DLG2: variants seen among roughly 807,000 people sequenced by gnomAD.
DLG2 encodes disks large homolog 2.
In DLG2, 45 loss-of-function variants were observed where a neutral mutation model predicts 132.5. The observed-to-expected ratio is 0.34, with a 90% CI of 0.27 to 0.44. The LOEUF (loss-of-function observed/expected upper bound fraction) is 0.44, where lower values mean the gene tolerates loss of function less well. Among genes scored for constraint, DLG2 ranks in the 20% least tolerant of loss-of-function variants. The pLI, the probability that DLG2 is intolerant of heterozygous loss-of-function variation, is 1.00. For missense variants in DLG2, 1,045 were observed against 1,196.9 expected (o/e 0.87, Z 1.87); for synonymous variants, 424 against 419.6 (o/e 1.01, Z -0.13).
In DLG2 at chr11:85,522,875, G is replaced by C. The variant is rs567820976; in HGVS notation, c.40+75782C>G. Among the ~76,000 whole-genome samples, 3 of 152,258 alleles carry C rather than the reference G, an allele frequency of 2.0e-5. No individual in the cohort carries two copies. The South Asian group carries it at 6.2e-4, about 32-fold the overall frequency. The stretch of plus-strand genomic sequence containing the variant: ...ACAGGCTCACAGGCATAAGGGACTT[G>C]CCTTATCTCAGATGAAACTTTGAAC... On this transcript the variant is annotated intron_variant, in intron 3 of 27. Coordinates refer to ENST00000376104, the MANE Select transcript of DLG2 (RefSeq NM_001142699.3).
At chr11:84,611,757 A>G (rs1375682062) in intron 6 of DLG2, among the ~76,000 whole-genome samples, 1 of 152,140 alleles carries the variant, frequency 6.6e-6, no homozygotes, top group African/African-American at 2.4e-5. Context: ...CCATTAGTAG[A>G]CTCCAAAGAG....
At chr11:84,417,902 C>G (rs2098935338) in intron 7 of DLG2, among the ~76,000 whole-genome samples, 1 of 152,156 alleles carries the variant, frequency 6.6e-6, no homozygotes, top group Admixed American at 6.6e-5. Context: ...GAATGGACTT[C>G]CTATCTCCCT....
At chr11:83,671,171 C>A (rs924389512) in intron 18 of DLG2, among the ~76,000 whole-genome samples, 3 of 152,126 alleles carry the variant, frequency 2.0e-5, no homozygotes, top group African/African-American at 7.2e-5. Flanking sequence ...AAGAACATGG[C>A]CCTGCAACGT....
chr11:84,728,001 G>A (rs964815205), intron 6 of DLG2, among the ~76,000 whole-genome samples: 4 of 152,260 alleles, frequency 2.6e-5, no homozygotes, highest in South Asian at 4.1e-4. Context: ...GGACTGAGAC[G>A]ATGGGGTTTT....
intron 10 of DLG2, among the ~76,000 whole-genome samples, chr11:84,087,756 CT>C (rs1313068149): frequency 6.6e-6 from 1 of 152,054 alleles, no homozygotes; most frequent in East Asian, 1.9e-4. Context: ...TTCAGATGGC[CT>C]TTTGAAGTTG....
intron 16 of DLG2, among the ~76,000 whole-genome samples, chr11:83,868,096 A>G (rs2062737715): frequency 1.3e-5 from 2 of 152,188 alleles, no homozygotes; most frequent in Non-Finnish European, 2.9e-5. Flanking sequence ...CTGGGGGGAC[A>G]GCGATGGTCA....
At chr11:83,930,597 G>T in intron 14 of DLG2, 114 bp from the exon 15 acceptor site, 1 of 1,115,990 alleles carries the variant, frequency 9.0e-7, no homozygotes, top group South Asian at 1.8e-5. Context: ...ATTTTATCTT[G>T]ATTTGTTACT....
At chr11:83,708,820 T>C (rs1207989740) in intron 18 of DLG2, among the ~76,000 whole-genome samples, 1 of 152,162 alleles carries the variant, frequency 6.6e-6, no homozygotes, top group African/African-American at 2.4e-5. Context: ...AGAAGATCAA[T>C]GCCCAAGGCT....
chr11:85,488,170 C>A (rs1318471897), intron 3 of DLG2, among the ~76,000 whole-genome samples: 2 of 152,166 alleles, frequency 1.3e-5, no homozygotes, highest in Admixed American at 6.5e-5. Context: ...GTGGGCGGAT[C>A]ACGAGGTCAG....
At chr11:84,235,531 G>C (rs1598070964) in intron 8 of DLG2, among the ~76,000 whole-genome samples, 2 of 151,936 alleles carry the variant, frequency 1.3e-5, no homozygotes, top group Non-Finnish European at 2.9e-5. Flanking sequence ...GTGACAGAGG[G>C]AGAACCTGTC....
intron 7 of DLG2, among the ~76,000 whole-genome samples, chr11:84,344,665 G>C (rs1002203296): frequency 6.6e-6 from 1 of 152,114 alleles, no homozygotes; most frequent in African/African-American, 2.4e-5. Context: ...CTTAATCACA[G>C]TAACTTATCT....
At chr11:84,071,018 G>T (rs918567128) in intron 10 of DLG2, among the ~76,000 whole-genome samples, 1 of 152,050 alleles carries the variant, frequency 6.6e-6, no homozygotes, top group Admixed American at 6.6e-5. Flanking sequence ...TTCTTTTTTA[G>T]CCACACATCC....
At chr11:84,137,562 G>C (rs1385113214) in intron 9 of DLG2, among the ~76,000 whole-genome samples, 4 of 152,026 alleles carry the variant, frequency 2.6e-5, no homozygotes, top group Non-Finnish European at 5.9e-5. Flanking sequence ...TGTTCTCAAG[G>C]TTATTATCAA....
intron 6 of DLG2, among the ~76,000 whole-genome samples, chr11:84,541,387 T>C (rs1028323649): frequency 5.3e-5 from 8 of 151,988 alleles, no homozygotes; most frequent in Non-Finnish European, 5.9e-5. Context: ...AGCTTAACCC[T>C]GCCCCCAACC....
chr11:85,322,297 A>C (rs1279214454), intron 3 of DLG2, among the ~76,000 whole-genome samples: 2 of 151,826 alleles, frequency 1.3e-5, no homozygotes, highest in Non-Finnish European at 2.9e-5. Flanking sequence ...CACTTCAGTC[A>C]CTCTCTCATT....
intron 15 of DLG2, among the ~76,000 whole-genome samples, chr11:83,907,863 C>T (rs1162379390): frequency 6.6e-6 from 1 of 152,098 alleles, no homozygotes; most frequent in Non-Finnish European, 1.5e-5. Flanking sequence ...GCTTTGCACA[C>T]ACCTTCAAGC....
At chr11:84,218,253 G>A (rs1289727449) in intron 8 of DLG2, among the ~76,000 whole-genome samples, 1 of 148,104 alleles carries the variant, frequency 6.8e-6, no homozygotes, top group Non-Finnish European at 1.5e-5. Context: ...AGGAAGGAAG[G>A]AAGGAGGGAG....
chr11:84,281,689 C>T (rs895308763), intron 7 of DLG2, among the ~76,000 whole-genome samples: 1 of 145,306 alleles, frequency 6.9e-6, no homozygotes, highest in African/African-American at 2.6e-5. Context: ...GAAAAAAAAA[C>T]CCAAAAATGA....
chr11:85,130,026 G>A (rs1198169038), intron 5 of DLG2, among the ~76,000 whole-genome samples: 1 of 152,038 alleles, frequency 6.6e-6, no homozygotes, highest in Non-Finnish European at 1.5e-5. Flanking sequence ...TGGGCACAGG[G>A]AGGGGAGCAT....
Sources: gnomAD v4.1 joint callset for allele counts (sites outside exome capture counted in the v4.1 genomes callset) on GRCh38, gnomAD v4.1.1 for gene constraint, MANE v1.5 for transcripts, NCBI Gene and HGNC (gene_info 2026-07-23, HGNC 2026-07-21) for gene names.